Variants in CREBRF observed in about 807,000 individuals in gnomAD.
The protein encoded by CREBRF is CREB3 regulatory factor, also known as UPF0474 protein C5orf41.
In CREBRF, 5 loss-of-function variants were observed where a neutral mutation model predicts 66.1. That is an observed-to-expected ratio of 0.08 (90% confidence interval 0.04 to 0.16). CREBRF has a LOEUF of 0.16. Ranked by LOEUF, CREBRF falls within the 10% of genes least tolerant of loss-of-function variation. The probability of loss-of-function intolerance (pLI) is 1.00; values close to 1 mark genes in which losing one functional copy is unlikely to be tolerated. For synonymous variants in CREBRF, 229 were observed against 264.4 expected, an observed-to-expected ratio of 0.87 and a Z score of 1.30; for missense variants, 531 against 744.9, an observed-to-expected ratio of 0.71 and a Z score of 3.34.
At chr5:173,114,835 G>A (rs1758947745) in intron 7 of CREBRF, among the ~76,000 whole-genome samples, 1 of 152,182 alleles carries the variant, frequency 6.6e-6, no homozygotes, top group Non-Finnish European at 1.5e-5. Context: ...TTGTCCCTAA[G>A]GAAAGCTATA....
chr5:173,082,171 G>A (rs1346664909), intron 2 of CREBRF, among the ~76,000 whole-genome samples: 3 of 151,600 alleles, frequency 2.0e-5, no homozygotes, highest in Admixed American at 6.6e-5. Context: ...CTGCCACCAC[G>A]CCTGGCTAAT....
chr5:173,132,341 C>T (rs1486540010), intron 8 of CREBRF, among the ~76,000 whole-genome samples: 3 of 150,356 alleles, frequency 2.0e-5, no homozygotes, highest in Admixed American at 2.0e-4. Flanking sequence ...CCTGCCTTGG[C>T]CTCCCAAAGC....
intron 1 of CREBRF, among the ~76,000 whole-genome samples, chr5:173,062,800 T>G (rs1384201763): frequency 7.0e-6 from 1 of 143,706 alleles, no homozygotes; most frequent in Non-Finnish European, 1.5e-5. Context: ...CAGGCTGGAG[T>G]GCAGTGGTGG....
intron 1 of CREBRF, among the ~76,000 whole-genome samples, chr5:173,058,647 C>T (rs1179394118): frequency 6.6e-6 from 1 of 151,204 alleles, no homozygotes; most frequent in African/African-American, 2.4e-5. Context: ...TCACGCCCGG[C>T]TAATTTTTTT....
At chr5:173,077,370 T>C (rs1489507613) in intron 1 of CREBRF, among the ~76,000 whole-genome samples, 1 of 152,154 alleles carries the variant, frequency 6.6e-6, no homozygotes, top group East Asian at 1.9e-4. Context: ...TGAGAAGTGT[T>C]GTGTAACCAT....
intron 1 of CREBRF, among the ~76,000 whole-genome samples, chr5:173,068,649 AAACCAGCATAAT>A (rs534242273): frequency 0.061 from 9,210 of 152,154 alleles, 332 homozygotes; most frequent in Middle Eastern, 0.17. Context: ...TTTGCTGATT[AAACCAGCATAAT>A]TGACATACAC....
At chr5:173,128,982 A>C (rs1481381936) in intron 8 of CREBRF, among the ~76,000 whole-genome samples, 2 of 148,884 alleles carry the variant, frequency 1.3e-5, no homozygotes, top group African/African-American at 5.0e-5. Context: ...GGGTTTCACC[A>C]TGTTAGCCAG....
At chr5:173,086,120 C>T (rs1027532264) in intron 2 of CREBRF, 10 of 802,536 alleles carry the variant, frequency 1.2e-5, no homozygotes, top group Non-Finnish European at 1.4e-5. Context: ...TACGTTATTC[C>T]GATGGAAATT....
At chr5:173,078,142 C>T (rs761282861) in intron 1 of CREBRF, among the ~76,000 whole-genome samples, 1 of 152,180 alleles carries the variant, frequency 6.6e-6, no homozygotes, top group African/African-American at 2.4e-5. Context: ...AATACCAAAC[C>T]GTTTCCCACA....
intron 2 of CREBRF, chr5:173,086,107 C>T: frequency 1.2e-6 from 1 of 814,896 alleles, no homozygotes. Context: ...TTGTCAAAAA[C>T]AGTACGTTAT....
Position 173,135,922 on chromosome 5 carries a change from T to C in CREBRF, c.*2177T>C, listed in dbSNP as rs1759580158. On this transcript the variant is annotated 3_prime_UTR_variant, in exon 9 of 9. Transcript: ENST00000296953. ...TTGTACATTCACGCTAAACAGATGA[T>C]AAGCTCAAGTCTGATGGTTTAATAG... The C allele has an allele frequency of 6.6e-6, 1 of 152,516 alleles. No homozygotes were observed. The highest frequency in any genetic ancestry group is 2.4e-5 in the African/African-American group (1 of 41,464). 9.4% of individuals were successfully genotyped at this position (152,516 alleles called of 1,614,324 possible).
rs748323611 is a variant in CREBRF at position 173,134,265 on chromosome 5, A to AATATATATAT, written c.*536_*545dup. 4 of 139,244 alleles carry AATATATATAT rather than the reference A, an allele frequency of 2.9e-5. No homozygotes were observed. The highest frequency in any genetic ancestry group is 5.3e-5 in the African/African-American group (2 of 37,540). 8.6% of individuals were successfully genotyped at this position (139,244 alleles called of 1,614,324 possible). On this transcript the variant is annotated 3_prime_UTR_variant, in exon 9 of 9. Coordinates refer to ENST00000296953, the MANE Select transcript of CREBRF (RefSeq NM_153607.3). Reference sequence around the variant, plus strand: ...GTCAGAGCTCAAGATGATATATATAAATATATATATATATATATATATATA... The same window carrying AATATATATAT: ...GTCAGAGCTCAAGATGATATATATAAATATATATATATATATATATATATATATATATATA...
intron 3 of CREBRF, among the ~76,000 whole-genome samples, chr5:173,087,808 C>T (rs188619659): frequency 0.05 from 7,665 of 152,090 alleles, 274 homozygotes; most frequent in Middle Eastern, 0.17. Flanking sequence ...TTGATTTAAA[C>T]ATTGCTTTTA....
In CREBRF at chr5:173,137,950, T is replaced by A. The variant is rs1455629305; in HGVS notation, c.*4205T>A. On this transcript the variant is annotated 3_prime_UTR_variant, in exon 9 of 9. Transcript: ENST00000296953. The stretch of plus-strand genomic sequence containing the variant: ...TCTAGTTAATTATGTAACAGAATGT[T>A]AGCATCTCTCCATATCTTGAAACTT... 1 of 152,202 alleles carries A rather than the reference T, an allele frequency of 6.6e-6. No homozygotes were observed. The highest frequency in any genetic ancestry group is 1.5e-5 in the Non-Finnish European group (1 of 68,006). 9.4% of individuals were successfully genotyped at this position (152,202 alleles called of 1,614,324 possible). A position where few individuals can be genotyped will look rare whatever the true frequency, so the allele number is the denominator to read the frequency against.
chr5:173,087,772 CTGAATTTTAATT>C (rs1408767401), intron 3 of CREBRF, among the ~76,000 whole-genome samples: 11 of 152,080 alleles, frequency 7.2e-5, no homozygotes, highest in African/African-American at 2.7e-4. Context: ...GATCACCTGC[CTGAATTTTAATT>C]TTTAATCTTT....
At chr5:173,058,827 C>A (rs1386502784) in intron 1 of CREBRF, among the ~76,000 whole-genome samples, 5 of 112,070 alleles carry the variant, frequency 4.5e-5, no homozygotes, top group African/African-American at 1.0e-4. Context: ...ACGGAGTCTC[C>A]GTCTGTCGCC....
At chr5:173,101,227 G>T (rs550123872) in intron 4 of CREBRF, among the ~76,000 whole-genome samples, 1 of 81,436 alleles carries the variant, frequency 1.2e-5, no homozygotes, top group Non-Finnish European at 2.8e-5. Flanking sequence ...GCTAATTTTT[G>T]TATTTTTTTT....
In CREBRF at chr5:173,090,833, C is replaced by A. The variant is rs1241851804; in HGVS notation, c.654C>A (p.Asn218Lys). ...GCACACAAATCATGGTGAAGACCAA[C>A]ATGTATCATAATGAAAAGGTGAACT... The part of the protein sequence containing the change: ...TSSTQIMVKT[N>K]MYHNEKVNFH... Residue 218 changes from asparagine (N) to lysine (K), a missense_variant, in exon 4 of 9, where the codon AAC becomes AAA. This residue lies in a region of CREBRF where 309 missense variants were observed against 341.4 expected (regional missense o/e 0.90). Coordinates refer to ENST00000296953, the MANE Select transcript of CREBRF (RefSeq NM_153607.3). This position sits in a 1 kb window ranked among gnomAD's most constrained non-coding sequence, Gnocchi z 4.5. 1.2e-6 allele frequency: 2 copies of A among 1,614,078 alleles called. No individual in the cohort carries two copies. Among genetic ancestry groups the A allele is most frequent in the East Asian group, 2.2e-5 (1 of 44,884 alleles).
rs1464348085 is a variant in CREBRF, at chr5:173,138,824, T to A, written c.*5079T>A. The A allele has an allele frequency of 6.6e-6, 1 of 152,206 alleles. No homozygotes were observed. The highest frequency in any genetic ancestry group is 1.5e-5 in the Non-Finnish European group (1 of 68,048). 9.4% of individuals were successfully genotyped at this position (152,206 alleles called of 1,614,324 possible). ...GCTTTTTTACCTTCTTTCCCTAGGA[T>A]TTGTCCTACAGCTTAGTATTGTGGT... is the stretch of plus-strand genomic sequence containing the variant. On this transcript the variant is annotated 3_prime_UTR_variant, in exon 9 of 9. Coordinates refer to ENST00000296953, the MANE Select transcript of CREBRF (RefSeq NM_153607.3).
Sources: gnomAD v4.1 joint callset for allele counts (sites outside exome capture counted in the v4.1 genomes callset) on GRCh38, gnomAD v4.1.1 for gene constraint, gnomAD v4.1.1 regional missense constraint, Gnocchi (gnomAD v3.1) non-coding constraint, MANE v1.5 for transcripts, NCBI Gene and HGNC (gene_info 2026-07-23, HGNC 2026-07-21) for gene names.